ATP6V1B1: variants seen among roughly 807,000 people sequenced by gnomAD.
The protein encoded by ATP6V1B1 is ATPase H+ transporting V1 subunit B1, also known as V-type proton ATPase subunit B, kidney isoform.
Under a neutral mutation model 62.1 loss-of-function variants are expected in ATP6V1B1, and 41 were observed. The observed-to-expected ratio is 0.66, with a 90% confidence interval of 0.51 to 0.86. The LOEUF is 0.86. Ranked by LOEUF, ATP6V1B1 falls within the 40% of genes least tolerant of loss-of-function variation. ATP6V1B1 has a pLI of 0.00. For missense variants in ATP6V1B1, 651 were observed against 697.5 expected, an observed-to-expected ratio of 0.93 and a Z score of 0.75; for synonymous variants, 253 against 273.4, an observed-to-expected ratio of 0.93 and a Z score of 0.74.
rs1456947227 is a variant in ATP6V1B1, at chr2:70,965,220, C to T, written c.*99C>T. On this transcript the variant is annotated 3_prime_UTR_variant, in exon 14 of 14. Transcript: ENST00000234396. The stretch of plus-strand genomic sequence containing the variant: ...CCCAACCAGCGGCTTCTGCGCCGCC[C>T]TCCGCCCTCCGCTGGCTCCGAGGTG... 8 of 1,523,998 alleles carry T rather than the reference C, an allele frequency of 5.2e-6. No individual in the cohort carries two copies. The highest frequency in any genetic ancestry group is 7.1e-6 in the Non-Finnish European group (8 of 1,125,802). The allele number at this position is 1,523,998 out of a possible 1,614,324, so 94.4% of individuals were successfully genotyped here.
intron 6 of ATP6V1B1, among the ~76,000 whole-genome samples, chr2:70,960,592 G>A (rs1166396043): frequency 6.6e-6 from 1 of 152,152 alleles, no homozygotes; most frequent in Non-Finnish European, 1.5e-5. Flanking sequence ...CAGACTACAG[G>A]CCCAGGGCAA....
chr2:70,952,146 G>C lies in ATP6V1B1; in HGVS notation c.175-5900G>C, dbSNP rs542837122. Among the ~76,000 whole-genome samples the C allele has an allele frequency of 6.6e-5, 10 of 152,126 alleles. No homozygotes were observed. In the East Asian group the frequency reaches 1.9e-3, roughly 29 times the overall value. On this transcript the variant is annotated intron_variant, in intron 2 of 13. Transcript: ENST00000234396. ...GTTCAAGTAGTTGCCTTCCATTCCT[G>C]TTTTATATAGAATTGTATTAGAAAC...
chr2:70,964,138 C>CTTTTTTTTTTTTTTTTTT (rs1680658651), intron 11 of ATP6V1B1: 1 of 42,422 alleles, frequency 2.4e-5, no homozygotes, highest in African/African-American at 1.9e-4. Context: ...TTTTTTTTTG[C>CTTTTTTTTTTTTTTTTTT]AGCTATTAAC....
At chr2:70,944,007 A>G (rs1394380056) in intron 2 of ATP6V1B1, 7 of 985,194 alleles carry the variant, frequency 7.1e-6, no homozygotes, top group Non-Finnish European at 8.4e-6. Context: ...CCGTTTCCCT[A>G]TCAGTGGCAT....
rs1231551863 is a variant in ATP6V1B1, at chr2:70,958,487, T to C, written c.367+61T>C. 7.3e-6 allele frequency: 11 copies of C among 1,499,016 alleles called. No homozygotes were observed. The Admixed American group carries it at 1.5e-4, about 21-fold the overall frequency. 92.9% of individuals were successfully genotyped at this position (1,499,016 alleles called of 1,614,324 possible). A position where few individuals can be genotyped will look rare whatever the true frequency, so the allele number is the denominator to read the frequency against. On this transcript the variant is annotated intron_variant, in intron 4 of 13. Coordinates refer to ENST00000234396, the MANE Select transcript of ATP6V1B1 (RefSeq NM_001692.4). ...CTCTGCCCTCCCAGCCCAGCTTCTC[T>C]GACCAAACCCTCAGCACACTACACT...
intron 1 of ATP6V1B1, chr2:70,940,886 CT>C (rs1346495031): frequency 5.9e-6 from 5 of 853,442 alleles, no homozygotes; most frequent in Non-Finnish European, 7.0e-6. Flanking sequence ...TCTTTTTCTT[CT>C]TTTTTTCTTT....
At chr2:70,962,739 G>A (rs374000905) in intron 8 of ATP6V1B1, 38 bp from the exon 9 acceptor site, 14 of 1,610,872 alleles carry the variant, frequency 8.7e-6, no homozygotes, top group Admixed American at 1.7e-5. Context: ...CATTAGCCCA[G>A]GCCTCCAGGC....
rs782579601 is a variant in ATP6V1B1, at chr2:70,964,754, G to A, written c.1267G>A (p.Gly423Arg). The A allele has an allele frequency of 2.5e-6, 4 of 1,613,930 alleles. No homozygotes were observed. The highest frequency in any genetic ancestry group is 2.5e-6 in the Non-Finnish European group (3 of 1,180,018). The part of the protein sequence containing the change: ...SNQLYACYAI[G>R]KDVQAMKAVV... The stretch of plus-strand genomic sequence containing the variant: ...CCCCCAGTACGCCTGCTATGCCATC[G>A]GGAAGGACGTGCAGGCCATGAAGGC... Residue 423 changes from glycine (G) to arginine (R), a missense_variant, in exon 13 of 14, where the codon GGG becomes AGG. Physicochemically the swap from Gly to Arg is moderately radical, Grantham distance 125. Transcript: ENST00000234396.
At position 70,959,193 on chromosome 2, in the gene ATP6V1B1, A is replaced by G; in HGVS notation, c.445+98A>G. 7.4e-7 allele frequency: 1 copy of G among 1,347,754 alleles called. No individual in the cohort carries two copies. The highest frequency in any genetic ancestry group is 1.1e-6 in the Non-Finnish European group (1 of 949,444). The allele number at this position is 1,347,754 out of a possible 1,614,324, so 83.5% of individuals were successfully genotyped here. ...CAGACTCACAAGCAGATCAGATGTGATGGGAGAGCAGCAAAGGCCTCTCTA... is the reference window on the plus strand; with the variant it reads ...CAGACTCACAAGCAGATCAGATGTGGTGGGAGAGCAGCAAAGGCCTCTCTA... On this transcript the variant is annotated intron_variant, in intron 5 of 13. Transcript: ENST00000234396. This position sits in a 1 kb window ranked among gnomAD's most constrained non-coding sequence, Gnocchi z 4.2.
In ATP6V1B1 at chr2:70,941,651, T is replaced by G. The variant is rs1290764166; in HGVS notation, c.119-2007T>G. On this transcript the variant is annotated intron_variant, in intron 1 of 13. Coordinates refer to ENST00000234396, the MANE Select transcript of ATP6V1B1 (RefSeq NM_001692.4). The stretch of plus-strand genomic sequence containing the variant: ...GCACTTCACATTTTCATTTGTCACT[T>G]TCATTTGCCTAGCTTAGTACATAGA... 6 of 910,550 alleles carry G rather than the reference T, an allele frequency of 6.6e-6. No individual in the cohort carries two copies. The African/African-American group carries it at 1.1e-4, about 16-fold the overall frequency. The allele number at this position is 910,550 out of a possible 1,614,324, so 56.4% of individuals were successfully genotyped here. A position where few individuals can be genotyped will look rare whatever the true frequency, so the allele number is the denominator to read the frequency against.
At chr2:70,944,034 C>T (rs2104805567) in intron 2 of ATP6V1B1, 1 of 1,329,150 alleles carries the variant, frequency 7.5e-7, no homozygotes, top group South Asian at 1.5e-5. Flanking sequence ...ACCTAACCTC[C>T]TCAGAGGAAG....
intron 7 of ATP6V1B1, 61 bp from the exon 8 acceptor site, chr2:70,961,535 G>T: frequency 6.5e-7 from 1 of 1,547,194 alleles, no homozygotes; most frequent in Admixed American, 1.7e-5. Flanking sequence ...ACCTGGGAGG[G>T]GCCAGGCCTT....
chr2:70,945,701 G>GAGATATATATATATATATATATAT (rs1553417203), intron 2 of ATP6V1B1, among the ~76,000 whole-genome samples: 3 of 83,018 alleles, frequency 3.6e-5, no homozygotes, highest in African/African-American at 1.4e-4. Context: ...TATTTGAAGA[G>GAGATATATATATATATATATATAT]ATATATATAT....
chr2:70,961,760 G>A, intron 8 of ATP6V1B1, 67 bp downstream of exon 8: 1 of 1,473,168 alleles, frequency 6.8e-7, no homozygotes, highest in Middle Eastern at 1.7e-4. Flanking sequence ...AAGACCTACA[G>A]TACCAGGGCT....
chr2:70,949,817 C>G (rs1680278153), intron 2 of ATP6V1B1, among the ~76,000 whole-genome samples: 1 of 152,146 alleles, frequency 6.6e-6, no homozygotes, highest in African/African-American at 2.4e-5. Context: ...ACAAAGATTT[C>G]ATCTATTGTG....
At chr2:70,939,291 A>G (rs917309820) in intron 1 of ATP6V1B1, 1 of 152,350 alleles carries the variant, frequency 6.6e-6, no homozygotes, top group African/African-American at 2.4e-5. Context: ...AAGACAATGG[A>G]GAGGGGGTGG....
intron 6 of ATP6V1B1, 150 bp downstream of exon 6, chr2:70,960,228 C>T: frequency 1.6e-6 from 2 of 1,239,244 alleles, no homozygotes; most frequent in Non-Finnish European, 2.2e-6. Flanking sequence ...TGTCCCTGGG[C>T]AGCTCAGGGA....
Position 70,961,624 on chromosome 2 carries a change from A to T in ATP6V1B1, c.716A>T (p.Lys239Met). Residue 239 changes from lysine to methionine, a missense_variant, in exon 8 of 14, where the codon AAG becomes ATG. By Grantham distance (95) the Lys-to-Met change is moderately conservative. Coordinates refer to ENST00000234396, the MANE Select transcript of ATP6V1B1 (RefSeq NM_001692.4). ...GVNMETARFF[K>M]SDFEQNGTMG... ...AACATGGAGACAGCCAGATTCTTCA[A>T]GTCTGACTTTGAGCAGAATGGAACC... 6.2e-7 allele frequency: 1 copy of T among 1,614,248 alleles called. No individual in the cohort carries two copies. The highest frequency in any genetic ancestry group is 8.5e-7 in the Non-Finnish European group (1 of 1,180,046).
chr2:70,961,856 G>T, intron 8 of ATP6V1B1, 163 bp downstream of exon 8: 1 of 735,968 alleles, frequency 1.4e-6, no homozygotes, highest in South Asian at 1.6e-5. Flanking sequence ...GCCTGGGAAG[G>T]GCTAGGAAAA....
Sources: gnomAD v4.1 joint callset for allele counts (sites outside exome capture counted in the v4.1 genomes callset) on GRCh38, gnomAD v4.1.1 for gene constraint, Gnocchi (gnomAD v3.1) non-coding constraint, MANE v1.5 for transcripts, NCBI Gene and HGNC (gene_info 2026-07-23, HGNC 2026-07-21) for gene names.